SEMA3E: variants seen among roughly 807,000 people sequenced by gnomAD.
The protein encoded by SEMA3E is semaphorin 3E.
In SEMA3E, 49 loss-of-function variants were observed where a neutral mutation model predicts 93.6. The ratio of observed to expected loss-of-function variants is 0.52; its 90% CI spans 0.42 to 0.66. The LOEUF (loss-of-function observed/expected upper bound fraction) is 0.66. SEMA3E is among the 30% of genes least tolerant of loss of function. The pLI is 0.00. For synonymous variants in SEMA3E, 363 were observed against 330.7 expected, an observed-to-expected ratio of 1.10 and a Z score of -1.06; for missense variants, 906 against 964.8, an observed-to-expected ratio of 0.94 and a Z score of 0.81.
intron 5 of SEMA3E, among the ~76,000 whole-genome samples, chr7:83,409,315 C>G (rs901893462): frequency 2.0e-5 from 3 of 152,026 alleles, no homozygotes; most frequent in Non-Finnish European, 4.4e-5. Flanking sequence ...GAATCCTTTC[C>G]CAAAACTCAC....
chr7:83,603,405 A>G (rs920966037), intron 1 of SEMA3E, among the ~76,000 whole-genome samples: 2 of 152,198 alleles, frequency 1.3e-5, no homozygotes, highest in Non-Finnish European at 2.9e-5. Context: ...AATTTATGCT[A>G]TGAATAGGAA....
intron 4 of SEMA3E, among the ~76,000 whole-genome samples, chr7:83,432,272 G>GT (rs61299855): frequency 0.063 from 9,180 of 146,634 alleles, 510 homozygotes; most frequent in African/African-American, 0.14. Flanking sequence ...GCATTTGAGG[G>GT]TTTTTTTTTT....
chr7:83,601,558 A>T (rs936711559), intron 1 of SEMA3E, among the ~76,000 whole-genome samples: 7 of 152,050 alleles, frequency 4.6e-5, no homozygotes, highest in African/African-American at 1.7e-4. Flanking sequence ...AGTTTTGCAT[A>T]TCTGACCCAA....
intron 1 of SEMA3E, among the ~76,000 whole-genome samples, chr7:83,646,246 T>C (rs1195958330): frequency 6.6e-6 from 1 of 152,150 alleles, no homozygotes; most frequent in African/African-American, 2.4e-5. Context: ...CAGCAAAAGA[T>C]TAATCTGTAA....
chr7:83,605,250 A>C (rs1253320625), intron 1 of SEMA3E, among the ~76,000 whole-genome samples: 1 of 152,170 alleles, frequency 6.6e-6, no homozygotes, highest in Non-Finnish European at 1.5e-5. Context: ...TCCCACCCAC[A>C]GTGTAAAAGC....
intron 4 of SEMA3E, among the ~76,000 whole-genome samples, chr7:83,443,724 A>G (rs542423702): frequency 6.6e-6 from 1 of 152,032 alleles, no homozygotes; most frequent in South Asian, 2.1e-4. Flanking sequence ...TTAAAAATTC[A>G]AAAAAAATTT....
intron 4 of SEMA3E, among the ~76,000 whole-genome samples, chr7:83,463,731 A>T (rs1383466067): frequency 6.6e-6 from 1 of 152,042 alleles, no homozygotes; most frequent in Admixed American, 6.6e-5. Context: ...GCCTCTTAGA[A>T]CCTCTCATTT....
intron 1 of SEMA3E, among the ~76,000 whole-genome samples, chr7:83,627,880 G>C (rs550137738): frequency 6.6e-6 from 1 of 151,932 alleles, no homozygotes; most frequent in Non-Finnish European, 1.5e-5. Context: ...TGGTTATTTT[G>C]CCCGTTAGTT....
chr7:83,518,772 G>A (rs1310369424), intron 1 of SEMA3E, among the ~76,000 whole-genome samples: 1 of 151,996 alleles, frequency 6.6e-6, no homozygotes, highest in Non-Finnish European at 1.5e-5. Flanking sequence ...CCAGAGTCTA[G>A]CTCACGCCTT....
intron 1 of SEMA3E, among the ~76,000 whole-genome samples, chr7:83,595,772 G>T (rs1035045087): frequency 1.3e-5 from 2 of 151,950 alleles, no homozygotes; most frequent in African/African-American, 4.8e-5. Flanking sequence ...TCACATCTCG[G>T]TACATCACGG....
intron 1 of SEMA3E, among the ~76,000 whole-genome samples, chr7:83,571,886 C>A (rs1292691092): frequency 6.6e-6 from 1 of 152,038 alleles, no homozygotes; most frequent in African/African-American, 2.4e-5. Flanking sequence ...TTTCAGGGTA[C>A]AAAATCAATG....
chr7:83,539,772 A>G (rs898015020), intron 1 of SEMA3E, among the ~76,000 whole-genome samples: 5 of 151,382 alleles, frequency 3.3e-5, no homozygotes, highest in African/African-American at 1.2e-4. Context: ...GTGAAGGCTA[A>G]TTTGCATGTT....
intron 1 of SEMA3E, among the ~76,000 whole-genome samples, chr7:83,583,073 G>T (rs1377313270): frequency 6.6e-6 from 1 of 151,960 alleles, no homozygotes; most frequent in Non-Finnish European, 1.5e-5. Context: ...CTTATTGACA[G>T]GTATTCTCAC....
At chr7:83,619,129 A>G (rs1319346814) in intron 1 of SEMA3E, among the ~76,000 whole-genome samples, 4 of 151,846 alleles carry the variant, frequency 2.6e-5, no homozygotes, top group Non-Finnish European at 5.9e-5. Context: ...ACTTCGGGTC[A>G]TTTAATCTCT....
chr7:83,584,009 C>G (rs989610261), intron 1 of SEMA3E, among the ~76,000 whole-genome samples: 2 of 151,962 alleles, frequency 1.3e-5, no homozygotes, highest in African/African-American at 4.8e-5. Flanking sequence ...TCTGGAGCCT[C>G]CTATATGTGG....
chr7:83,622,299 A>C (rs1402426103), intron 1 of SEMA3E, among the ~76,000 whole-genome samples: 1 of 152,194 alleles, frequency 6.6e-6, no homozygotes, highest in Non-Finnish European at 1.5e-5. Flanking sequence ...CCTGCCCGTC[A>C]GAATGGTGAT....
chr7:83,495,949 C>G (rs532024305), intron 1 of SEMA3E, among the ~76,000 whole-genome samples: 2 of 151,768 alleles, frequency 1.3e-5, no homozygotes, highest in Non-Finnish European at 2.9e-5. Context: ...TTTATGCAAC[C>G]AAATTTCCTC....
intron 9 of SEMA3E, 125 bp downstream of exon 9, chr7:83,405,325 A>G: frequency 1.4e-6 from 1 of 704,948 alleles, no homozygotes; most frequent in Non-Finnish European, 2.5e-6. Context: ...TGGTGATTAT[A>G]AAGTGTAGAA....
At chr7:83,419,712 C>A (rs1228773194) in intron 4 of SEMA3E, among the ~76,000 whole-genome samples, 2 of 152,020 alleles carry the variant, frequency 1.3e-5, no homozygotes, top group Non-Finnish European at 2.9e-5. Flanking sequence ...TGTTTTTTGG[C>A]TTCCTGTATG....
Sources: allele counts gnomAD v4.1 joint callset (sites outside exome capture counted in the v4.1 genomes callset), GRCh38; gene constraint gnomAD v4.1.1; transcripts MANE v1.5; gene names NCBI Gene and HGNC (gene_info 2026-07-23, HGNC 2026-07-21).